Variants in MAPRE2 observed in about 807,000 individuals in gnomAD.
MAPRE2 encodes microtubule associated protein RP/EB family member 2, also known as microtubule-associated protein RP/EB family member 2.
Under a neutral mutation model 43.2 loss-of-function variants are expected in MAPRE2, and 13 were observed. That is an observed-to-expected ratio of 0.30 (90% CI 0.20 to 0.48). The LOEUF (loss-of-function observed/expected upper bound fraction) is 0.48. Among genes scored for constraint, MAPRE2 ranks in the 20% least tolerant of loss-of-function variants. The pLI is 0.99. For missense variants in MAPRE2, 161 were observed against 400.2 expected (o/e 0.40, Z 5.10); for synonymous variants, 135 against 148.8 (o/e 0.91, Z 0.68).
upstream of MAPRE2, chr18:35,041,361 T>C (rs935127264): frequency 4.8e-6 from 7 of 1,449,702 alleles, no homozygotes; most frequent in African/African-American, 7.1e-5. Context: ...CGCTCTGACG[T>C]CAGCTGCCAG....
At chr18:35,102,231 G>T (rs1432664087) in intron 4 of MAPRE2, 72 bp downstream of exon 4, 1 of 1,130,428 alleles carries the variant, frequency 8.8e-7, no homozygotes, top group Admixed American at 2.7e-5. Context: ...GTTATTTACT[G>T]TGTGTTTCTG....
chr18:34,981,181 T>C (rs1365742813), intron 1 of MAPRE2, among the ~76,000 whole-genome samples: 2 of 151,862 alleles, frequency 1.3e-5, no homozygotes, highest in Admixed American at 6.6e-5. Context: ...AAGACCAGCC[T>C]GGCCAAACAT....
chr18:35,116,773 C>T (rs1189400647), intron 4 of MAPRE2, among the ~76,000 whole-genome samples: 1 of 152,172 alleles, frequency 6.6e-6, no homozygotes, highest in African/African-American at 2.4e-5. Context: ...ACTCCCATTA[C>T]CTTTGCCATG....
chr18:35,072,828 T>C (rs1907173700), intron 2 of MAPRE2, among the ~76,000 whole-genome samples: 1 of 152,112 alleles, frequency 6.6e-6, no homozygotes, highest in Non-Finnish European at 1.5e-5. Context: ...CAGATACACA[T>C]AATTACCATT....
At chr18:34,978,464 A>T (rs921172278) in intron 1 of MAPRE2, 10 of 1,518,808 alleles carry the variant, frequency 6.6e-6, no homozygotes, top group Non-Finnish European at 9.0e-6. Context: ...CGCAGCACCT[A>T]CTTCTAATCT....
intron 4 of MAPRE2, among the ~76,000 whole-genome samples, chr18:35,113,687 A>AT (rs1295048416): frequency 1.3e-5 from 2 of 152,142 alleles, no homozygotes; most frequent in African/African-American, 4.8e-5. Context: ...CAGCTCAGGA[A>AT]TTTGAGAACA....
intron 1 of MAPRE2, among the ~76,000 whole-genome samples, chr18:34,985,067 A>C (rs1190642186): frequency 1.5e-4 from 13 of 89,186 alleles, no homozygotes; most frequent in Middle Eastern, 0.011. Context: ...TAATATATAA[A>C]ATAAAATATA....
intron 2 of MAPRE2, among the ~76,000 whole-genome samples, chr18:35,024,954 A>C (rs1037753344): frequency 6.6e-6 from 1 of 152,178 alleles, no homozygotes; most frequent in African/African-American, 2.4e-5. Flanking sequence ...TAAATTTTAG[A>C]ATTATATAAT....
chr18:35,007,859 T>C (rs1038776847), intron 2 of MAPRE2, among the ~76,000 whole-genome samples: 1 of 152,112 alleles, frequency 6.6e-6, no homozygotes, highest in Non-Finnish European at 1.5e-5. Flanking sequence ...AACTTCCATA[T>C]CCGTGGATTC....
At chr18:35,139,785 C>T (rs189327094) in intron 6 of MAPRE2, among the ~76,000 whole-genome samples, 8 of 152,198 alleles carry the variant, frequency 5.3e-5, no homozygotes, top group Middle Eastern at 3.4e-3. Context: ...TCCTTCAGGG[C>T]GACACTGCCG....
chr18:34,996,719 G>A (rs1485005190), intron 1 of MAPRE2, among the ~76,000 whole-genome samples: 1 of 152,240 alleles, frequency 6.6e-6, no homozygotes, highest in Admixed American at 6.5e-5. Context: ...CTACTCATAA[G>A]TGGCTAATAT....
intron 2 of MAPRE2, among the ~76,000 whole-genome samples, chr18:35,084,967 C>A (rs1907801602): frequency 6.6e-6 from 1 of 152,192 alleles, no homozygotes; most frequent in Non-Finnish European, 1.5e-5. Context: ...ACTGTGGTAA[C>A]TGAAGCTTTC....
At chr18:35,087,219 A>G (rs1159835990) in intron 2 of MAPRE2, among the ~76,000 whole-genome samples, 1 of 152,148 alleles carries the variant, frequency 6.6e-6, no homozygotes, top group East Asian at 1.9e-4. Flanking sequence ...AACCAATCTT[A>G]GGGCTGCAGG....
chr18:35,030,933 T>C (rs958783628), intron 2 of MAPRE2, among the ~76,000 whole-genome samples: 14 of 152,254 alleles, frequency 9.2e-5, no homozygotes, highest in African/African-American at 3.1e-4. Flanking sequence ...CTGTTGGCTC[T>C]ACCTGAAATA....
chr18:35,093,511 A>T lies in MAPRE2; in HGVS notation c.251-3935A>T, dbSNP rs576495045. Among the ~76,000 whole-genome samples, 5 of 152,324 alleles carry T rather than the reference A, an allele frequency of 3.3e-5. No homozygotes were observed. In the South Asian group the frequency reaches 1.0e-3, roughly 32 times the overall value. Reference sequence around the variant, plus strand: ...TGACAATAACCAAGAAATGGAATCAACCTTAGTGTCCATCAGTGTGATTAA... The same window carrying T: ...TGACAATAACCAAGAAATGGAATCATCCTTAGTGTCCATCAGTGTGATTAA... On this transcript the variant is annotated intron_variant, in intron 2 of 6. Coordinates refer to ENST00000300249, the MANE Select transcript of MAPRE2 (RefSeq NM_014268.4).
rs565892915 is a variant in MAPRE2, at chr18:35,134,599, C to T, written c.909+2409C>T. On this transcript the variant is annotated intron_variant, in intron 6 of 6. Coordinates refer to ENST00000300249, the MANE Select transcript of MAPRE2 (RefSeq NM_014268.4). ...TGGGTACCATGGAGCAGGGAGGAAA[C>T]GAACATAGTACTAGTTGGGGAAAGC... Among the ~76,000 whole-genome samples the T allele has an allele frequency of 6.6e-5, 10 of 152,316 alleles. No homozygotes were observed. The South Asian group carries it at 8.3e-4, about 13-fold the overall frequency.
chr18:35,099,008 C>A (rs926679880), intron 3 of MAPRE2, among the ~76,000 whole-genome samples: 1 of 152,184 alleles, frequency 6.6e-6, no homozygotes, highest in Non-Finnish European at 1.5e-5. Context: ...AGCCTGATGG[C>A]ACAATGGAAA....
chr18:35,078,313 C>A (rs1008904520), intron 2 of MAPRE2, among the ~76,000 whole-genome samples: 8 of 152,134 alleles, frequency 5.3e-5, no homozygotes, highest in Non-Finnish European at 7.4e-5. Context: ...TGTTTTGCAT[C>A]TGAAACAGTC....
chr18:35,078,672 T>G (rs1484345921), intron 2 of MAPRE2, among the ~76,000 whole-genome samples: 1 of 152,188 alleles, frequency 6.6e-6, no homozygotes, highest in African/African-American at 2.4e-5. Context: ...TGTTTGCCCA[T>G]GTGGATGTGT....
Sources: gnomAD v4.1 joint callset for allele counts (sites outside exome capture counted in the v4.1 genomes callset) on GRCh38, gnomAD v4.1.1 for gene constraint, MANE v1.5 for transcripts, NCBI Gene and HGNC (gene_info 2026-07-23, HGNC 2026-07-21) for gene names.